Variants in FAM135A observed in about 807,000 individuals in gnomAD.
FAM135A encodes the protein protein FAM135A.
Under a neutral mutation model 146.8 loss-of-function variants are expected in FAM135A, and 79 were observed. The observed-to-expected ratio is 0.54, with a 90% confidence interval of 0.45 to 0.65. FAM135A has a LOEUF of 0.65. Among genes scored for constraint, FAM135A ranks in the 30% least tolerant of loss-of-function variants. FAM135A has a pLI of 0.00. For missense variants in FAM135A, 1,623 were observed against 1,758.2 expected (o/e 0.92, Z 1.38); for synonymous variants, 562 against 603.6 (o/e 0.93, Z 1.01).
At chr6:70,418,138 C>T (rs1055954968) in intron 2 of FAM135A, among the ~76,000 whole-genome samples, 3 of 152,080 alleles carry the variant, frequency 2.0e-5, no homozygotes, top group Non-Finnish European at 4.4e-5. Context: ...ATTTTCCTTA[C>T]TTTGTGCCCT....
chr6:70,520,252 T>C (rs1793265930), intron 12 of FAM135A, among the ~76,000 whole-genome samples: 1 of 152,198 alleles, frequency 6.6e-6, no homozygotes, highest in Admixed American at 6.5e-5. Flanking sequence ...TAAGTATAAA[T>C]CAGCTTTGTA....
At chr6:70,483,747 AG>A (rs1441043490) in intron 10 of FAM135A, among the ~76,000 whole-genome samples, 4 of 152,310 alleles carry the variant, frequency 2.6e-5, no homozygotes, top group African/African-American at 9.6e-5. Context: ...CCTGAAAAAC[AG>A]TGTGATGAAA....
At chr6:70,508,318 C>G (rs545682015) in intron 12 of FAM135A, among the ~76,000 whole-genome samples, 26 of 152,244 alleles carry the variant, frequency 1.7e-4, no homozygotes, top group East Asian at 9.6e-4. Flanking sequence ...TTCAGAAATG[C>G]AAGAGACACA....
At chr6:70,494,881 A>G (rs1413864186) in intron 11 of FAM135A, among the ~76,000 whole-genome samples, 3 of 152,188 alleles carry the variant, frequency 2.0e-5, no homozygotes, top group Non-Finnish European at 2.9e-5. Flanking sequence ...CTACTTTTGT[A>G]TAGACTATGC....
At chr6:70,538,515 C>T (rs1295891036) in intron 20 of FAM135A, 114 bp downstream of exon 20, 4 of 519,894 alleles carry the variant, frequency 7.7e-6, no homozygotes, top group African/African-American at 2.0e-5. Flanking sequence ...AAGTGTCATT[C>T]TACTGTAATT....
chr6:70,550,147 C>G (rs1025168875), intron 20 of FAM135A, among the ~76,000 whole-genome samples: 3 of 152,210 alleles, frequency 2.0e-5, no homozygotes, highest in African/African-American at 4.8e-5. Context: ...TCACTGAAGT[C>G]TTGACCCCCT....
chr6:70,506,715 CT>C (rs757239054), intron 12 of FAM135A, among the ~76,000 whole-genome samples: 75 of 123,262 alleles, frequency 6.1e-4, no homozygotes, highest in East Asian at 2.5e-3. Context: ...ATTTTTTTCT[CT>C]TTTTTTTTTA....
At chr6:70,556,497 C>G (rs910375862) in intron 20 of FAM135A, among the ~76,000 whole-genome samples, 6 of 152,210 alleles carry the variant, frequency 3.9e-5, no homozygotes, top group African/African-American at 1.4e-4. Flanking sequence ...CCTATCTCCA[C>G]ACCACTGAGC....
chr6:70,468,321 A>G (rs1467011566), intron 5 of FAM135A, among the ~76,000 whole-genome samples: 2 of 152,244 alleles, frequency 1.3e-5, no homozygotes, highest in Non-Finnish European at 2.9e-5. Flanking sequence ...TGTCTAGAAC[A>G]TACAGTACAT....
intron 20 of FAM135A, among the ~76,000 whole-genome samples, chr6:70,553,254 A>G (rs902936926): frequency 6.6e-6 from 1 of 152,138 alleles, no homozygotes; most frequent in African/African-American, 2.4e-5. Flanking sequence ...ACTGCACACC[A>G]TAGAAGTTCT....
intron 4 of FAM135A, among the ~76,000 whole-genome samples, chr6:70,431,502 A>C (rs1771613816): frequency 6.6e-6 from 1 of 152,122 alleles, no homozygotes; most frequent in African/African-American, 2.4e-5. Flanking sequence ...ACCTCATATC[A>C]TCTAGGCTTG....
intron 5 of FAM135A, among the ~76,000 whole-genome samples, chr6:70,458,350 C>T (rs902759268): frequency 6.6e-6 from 1 of 152,044 alleles, no homozygotes; most frequent in African/African-American, 2.4e-5. Context: ...TTCTCAAGAT[C>T]TTTCATATTT....
intron 11 of FAM135A, among the ~76,000 whole-genome samples, chr6:70,497,141 G>A (rs1480085669): frequency 1.3e-5 from 2 of 152,132 alleles, no homozygotes; most frequent in African/African-American, 4.8e-5. Context: ...AGCATGGAAT[G>A]TTTTTCCATT....
chr6:70,464,658 C>CTTTTTTTT (rs754818109), intron 5 of FAM135A, among the ~76,000 whole-genome samples: 79 of 100,396 alleles, frequency 7.9e-4, no homozygotes, highest in African/African-American at 1.8e-3. Flanking sequence ...TTCTTTCTTT[C>CTTTTTTTT]TTTTTTTTCT....
chr6:70,447,138 A>G (rs1775940998), intron 4 of FAM135A, among the ~76,000 whole-genome samples: 1 of 152,194 alleles, frequency 6.6e-6, no homozygotes, highest in South Asian at 2.1e-4. Flanking sequence ...TGAAATGTCC[A>G]CTTCTGTGTC....
In FAM135A at chr6:70,553,514, G is replaced by A. The variant is rs1800241948; in HGVS notation, c.4229-3236G>A. 2.6e-5 allele frequency among the ~76,000 whole-genome samples: 4 copies of A among 152,106 alleles called. No individual in the cohort carries two copies. The South Asian group carries it at 8.3e-4, about 32-fold the overall frequency. ...ATTGAGTGGACCTTAATATGTGGGA[G>A]CCAATATTGATATTTTTTGAGGGAA... On this transcript the variant is annotated intron_variant, in intron 20 of 21. Coordinates refer to ENST00000418814, the MANE Select transcript of FAM135A (RefSeq NM_001162529.3).
intron 12 of FAM135A, among the ~76,000 whole-genome samples, chr6:70,519,568 T>G (rs68006110): frequency 0.19 from 28,910 of 152,216 alleles, 2,874 homozygotes; most frequent in Middle Eastern, 0.35. Context: ...TTTAAGAAAT[T>G]GCCATAGCCA....
intron 4 of FAM135A, among the ~76,000 whole-genome samples, chr6:70,448,035 T>C (rs1430195867): frequency 1.3e-5 from 2 of 152,040 alleles, no homozygotes; most frequent in East Asian, 1.9e-4. Context: ...ATCTGCGGGG[T>C]GTATTCTAAC....
intron 12 of FAM135A, among the ~76,000 whole-genome samples, chr6:70,513,622 T>G (rs920990952): frequency 6.6e-6 from 1 of 152,038 alleles, no homozygotes; most frequent in African/African-American, 2.4e-5. Flanking sequence ...TCTGATACTA[T>G]TATAAATGGT....
Sources: gnomAD v4.1 joint callset for allele counts (sites outside exome capture counted in the v4.1 genomes callset) on GRCh38, gnomAD v4.1.1 for gene constraint, MANE v1.5 for transcripts, NCBI Gene and HGNC (gene_info 2026-07-23, HGNC 2026-07-21) for gene names.